The following CHD1 variants were observed in gnomAD, a reference collection of about 807,000 sequenced individuals.
The protein encoded by CHD1 is ATP-dependent chromatin remodeler CHD1.
A neutral mutation model predicts 224.2 loss-of-function variants in CHD1; 36 were observed. That is an observed-to-expected ratio of 0.16 (90% CI 0.12 to 0.21). The LOEUF is 0.21. CHD1 is among the 10% of genes least tolerant of loss of function. The probability of loss-of-function intolerance (pLI) is 1.00; values close to 1 mark genes in which losing one functional copy is unlikely to be tolerated. For synonymous variants in CHD1, 668 were observed against 658.3 expected (o/e 1.01, Z -0.23); for missense variants, 1,378 against 1,994.8 (o/e 0.69, Z 5.89).
chr5:98,927,169 A>G (rs1200532799), intron 1 of CHD1, among the ~76,000 whole-genome samples: 1 of 152,226 alleles, frequency 6.6e-6, no homozygotes. Context: ...TTTGTGAAAA[A>G]AATTGAAAAG....
At chr5:98,922,578 G>T (rs753554923) in intron 2 of CHD1, among the ~76,000 whole-genome samples, 16 of 151,906 alleles carry the variant, frequency 1.1e-4, no homozygotes, top group Non-Finnish European at 8.8e-5. Context: ...AAAAGAAAAA[G>T]GAAATTTTGA....
intron 22 of CHD1, 83 bp from the exon 23 acceptor site, chr5:98,879,811 G>A: frequency 2.5e-6 from 2 of 795,952 alleles, no homozygotes; most frequent in Non-Finnish European, 4.0e-6. Context: ...GAACTGGCAT[G>A]CTCCTTAGGA....
intron 25 of CHD1, 131 bp from the exon 26 acceptor site, chr5:98,873,854 A>G (rs575909432): frequency 2.9e-6 from 2 of 699,500 alleles, no homozygotes; most frequent in South Asian, 5.9e-5. Flanking sequence ...GTTCACATAA[A>G]TGGCAGGAAA....
intron 2 of CHD1, among the ~76,000 whole-genome samples, chr5:98,917,193 C>T (rs1457144209): frequency 6.6e-6 from 1 of 151,226 alleles, no homozygotes; most frequent in Non-Finnish European, 1.5e-5. Flanking sequence ...TTGCTTAAGC[C>T]TGTCTAAATG....
At chr5:98,860,778 T>C (rs1748409661) in intron 32 of CHD1, 1 of 152,254 alleles carries the variant, frequency 6.6e-6, no homozygotes, top group Non-Finnish European at 1.5e-5. Context: ...AAATATACAC[T>C]AGAGGTATAA....
chr5:98,912,673 AAAAAT>A (rs1002974627), intron 2 of CHD1, among the ~76,000 whole-genome samples: 4 of 152,192 alleles, frequency 2.6e-5, no homozygotes, highest in South Asian at 2.1e-4. Flanking sequence ...TCTGTCTCAA[AAAAAT>A]AAAATAAAAT....
intron 2 of CHD1, among the ~76,000 whole-genome samples, chr5:98,923,258 T>C (rs1194748910): frequency 1.3e-5 from 2 of 152,112 alleles, no homozygotes; most frequent in African/African-American, 4.8e-5. Context: ...TCCAAGGCAG[T>C]TGTAAAAACT....
chr5:98,925,804 C>T (rs907616545), intron 2 of CHD1, among the ~76,000 whole-genome samples: 1 of 150,930 alleles, frequency 6.6e-6, no homozygotes, highest in Non-Finnish European at 1.5e-5. Context: ...TATGTGCTGT[C>T]CAATATGGTA....
At chr5:98,865,556 C>A (rs554200785) in intron 31 of CHD1, among the ~76,000 whole-genome samples, 1 of 152,324 alleles carries the variant, frequency 6.6e-6, no homozygotes, top group East Asian at 1.9e-4. Context: ...ACAATGACAT[C>A]TGTCAAACCC....
chr5:98,912,312 GAAATA>G lies in CHD1; in HGVS notation c.54-7219_54-7215del, dbSNP rs200412016. ...ATAAATTGGCCAAACTAGGCCAACA[GAAATA>G]AAATAACTTAACAAAACTTTTTAAA... is the stretch of plus-strand genomic sequence containing the variant. On this transcript the variant is annotated intron_variant, in intron 2 of 35. Transcript: ENST00000614616. Among the ~76,000 whole-genome samples the G allele has an allele frequency of 2.2e-3, 334 of 152,154 alleles. 1 individual carries two copies. The highest frequency in any genetic ancestry group is 7.4e-3 in the African/African-American group (308 of 41,520).
At chr5:98,868,288 C>T (rs1287517530) in intron 31 of CHD1, among the ~76,000 whole-genome samples, 1 of 146,338 alleles carries the variant, frequency 6.8e-6, no homozygotes, top group African/African-American at 2.6e-5. Context: ...GACTGCACCA[C>T]TGAACTCCAG....
chr5:98,901,448 C>CTT (rs1751706781), intron 5 of CHD1, 113 bp from the exon 6 acceptor site: 1 of 755,082 alleles, frequency 1.3e-6, no homozygotes. Context: ...AATACTGTTG[C>CTT]TTTTACTCAT....
chr5:98,872,198 A>G lies in CHD1; in HGVS notation c.3714T>C (p.Tyr1238=). 1 of 1,602,370 alleles carries G rather than the reference A, an allele frequency of 6.2e-7. No homozygotes were observed. Among genetic ancestry groups the G allele is most frequent in the Non-Finnish European group, 8.5e-7 (1 of 1,176,664 alleles). The change falls in exon 28 of 36, where the codon TAT becomes TAC. Residue 1238 remains tyrosine (Y), a synonymous_variant. Coordinates refer to ENST00000614616, the MANE Select transcript of CHD1 (RefSeq NM_001270.4). ...IPSDPEERKQ[Y]TIPCHTKAAH... is the part of the protein sequence containing the mutation. ...CTGCCTTTGTGTGGCATGGGATAGT[A>G]TACCTGGCATCAAAGTTAATAACTA... is the stretch of plus-strand genomic sequence containing the variant.
intron 2 of CHD1, among the ~76,000 whole-genome samples, chr5:98,923,871 T>A (rs914303835): frequency 1.3e-5 from 2 of 152,220 alleles, no homozygotes; most frequent in Non-Finnish European, 2.9e-5. Flanking sequence ...AGATTTACTC[T>A]CGAGTCTTAT....
Position 98,856,596 on chromosome 5 carries a change from T to G in CHD1, c.4917A>C (p.Leu1639Phe), listed in dbSNP as rs569176797. 1.1e-5 allele frequency: 18 copies of G among 1,613,854 alleles called. No individual in the cohort carries two copies. In the African/African-American group the frequency reaches 1.6e-4, roughly 14 times the overall value. ...CAGAACTTGACCGGTGGTCTGAATG[T>G]AACCGATGATCTGAGTGAGAACGAT... ...SDHRSHSDHR[L>F]HSDHRSSSEY... The change falls in exon 36 of 36, where the codon TTA (leucine) becomes TTC (phenylalanine). Residue 1639 changes from leucine (L) to phenylalanine (F), a missense_variant. Leu to Phe is a conservative substitution (Grantham distance 22, BLOSUM62 0). Coordinates refer to ENST00000614616, the MANE Select transcript of CHD1 (RefSeq NM_001270.4).
chr5:98,889,330 T>C (rs1750854429), intron 15 of CHD1, 92 bp from the exon 16 acceptor site: 9 of 895,906 alleles, frequency 1.0e-5, no homozygotes, highest in Non-Finnish European at 1.3e-5. Flanking sequence ...AAGCCAACGA[T>C]AGTACCAAAG....
intron 8 of CHD1, among the ~76,000 whole-genome samples, chr5:98,898,999 G>C (rs1040821628): frequency 6.6e-6 from 1 of 152,142 alleles, no homozygotes; most frequent in Non-Finnish European, 1.5e-5. Context: ...GATAGGTTTA[G>C]ATAGGTATAC....
chr5:98,871,862 C>T (rs757533283), intron 28 of CHD1, among the ~76,000 whole-genome samples, 189 bp downstream of exon 28: 11 of 152,212 alleles, frequency 7.2e-5, no homozygotes, highest in Middle Eastern at 3.4e-3. Flanking sequence ...TTCACAGTAA[C>T]GCAAAATCTC....
intron 2 of CHD1, among the ~76,000 whole-genome samples, chr5:98,915,915 G>A (rs1752700770): frequency 6.6e-6 from 1 of 152,140 alleles, no homozygotes; most frequent in Non-Finnish European, 1.5e-5. Flanking sequence ...AATTTTGGCT[G>A]GGCGCGGTGG....
Sources: gnomAD v4.1 joint callset for allele counts (sites outside exome capture counted in the v4.1 genomes callset) on GRCh38, gnomAD v4.1.1 for gene constraint, MANE v1.5 for transcripts, NCBI Gene and HGNC (gene_info 2026-07-23, HGNC 2026-07-21) for gene names.